Variants in SSR3 observed in about 807,000 individuals in gnomAD.
SSR3 encodes the protein signal sequence receptor subunit 3.
SSR3 carries 10 observed loss-of-function variants against 22.1 expected under a neutral mutation model. The ratio of observed to expected loss-of-function variants is 0.45; its 90% confidence interval spans 0.28 to 0.77. SSR3 has a LOEUF of 0.77. Ranked by LOEUF, SSR3 falls within the 30% of genes least tolerant of loss-of-function variation. The pLI is 0.13. For missense variants in SSR3, 181 were observed against 220.5 expected, an observed-to-expected ratio of 0.82 and a Z score of 1.13; for synonymous variants, 104 against 82.5, an observed-to-expected ratio of 1.26 and a Z score of -1.42.
Position 156,542,899 on chromosome 3 carries a change from C to T in SSR3, c.*304G>A. The stretch of plus-strand genomic sequence containing the variant: ...AATAATAACAGCTCGGCCCAGGTTA[C>T]TGTGACCTCTGACAGATCAAGGAAA... On this transcript the variant is annotated 3_prime_UTR_variant, in exon 5 of 5. Coordinates refer to ENST00000265044, the MANE Select transcript of SSR3 (RefSeq NM_007107.5). 1 of 313,532 alleles carries T rather than the reference C, an allele frequency of 3.2e-6. No individual in the cohort carries two copies. The highest frequency in any genetic ancestry group is 5.8e-6 in the Non-Finnish European group (1 of 172,216). 19.4% of individuals were successfully genotyped at this position (313,532 alleles called of 1,614,324 possible).
intron 2 of SSR3, among the ~76,000 whole-genome samples, chr3:156,550,624 T>C (rs10936029): frequency 0.12 from 18,232 of 152,226 alleles, 1,148 homozygotes; most frequent in East Asian, 0.21. Flanking sequence ...ATAAAATCAA[T>C]TGTATTTTTC....
chr3:156,553,696 T>C lies in SSR3; in HGVS notation c.219A>G (p.Val73=). 1 of 1,612,472 alleles carries C rather than the reference T, an allele frequency of 6.2e-7. No homozygotes were observed. Among genetic ancestry groups the C allele is most frequent in the East Asian group, 2.2e-5 (1 of 44,832 alleles). Residue 73 remains valine (V), a synonymous_variant, in exon 2 of 5, where the codon GTA becomes GTG. Coordinates refer to ENST00000265044, the MANE Select transcript of SSR3 (RefSeq NM_007107.5). The part of the protein sequence containing the change: ...SVMTLVSTYL[V]AFAYKNVKFV... ...ATTTCACATTCTTGTATGCAAAGGC[T>C]ACCAAATATGTGCTTACTAGGGTCA...
At chr3:156,548,054 G>A (rs936967430) in intron 3 of SSR3, among the ~76,000 whole-genome samples, 3 of 152,210 alleles carry the variant, frequency 2.0e-5, no homozygotes, top group African/African-American at 7.2e-5. Flanking sequence ...AACAATGGAA[G>A]TTCACACAAA....
chr3:156,551,870 A>G (rs1719971433), intron 2 of SSR3, among the ~76,000 whole-genome samples: 1 of 152,218 alleles, frequency 6.6e-6, no homozygotes, highest in East Asian at 1.9e-4. Context: ...GGCACAAGAC[A>G]TATTCAAAGG....
intron 1 of SSR3, 109 bp downstream of exon 1, chr3:156,554,848 C>G: frequency 1.4e-6 from 2 of 1,428,662 alleles, no homozygotes; most frequent in Non-Finnish European, 1.9e-6. Context: ...GAGAGATTGC[C>G]GACCCCCGGC....
In SSR3 at chr3:156,549,004, C is replaced by G; in HGVS notation, c.261-1G>C. 1 of 1,604,798 alleles carries G rather than the reference C, an allele frequency of 6.2e-7. No homozygotes were observed. Among genetic ancestry groups the G allele is most frequent in the East Asian group, 2.2e-5 (1 of 44,808 alleles). ...AGCATCCTCCCTCTTCTGTGCTACTCTGGAAGAAAAAGAAAAAAAGAAAAA... is the reference window on the plus strand; with the variant it reads ...AGCATCCTCCCTCTTCTGTGCTACTGTGGAAGAAAAAGAAAAAAAGAAAAA... On this transcript the variant is annotated splice_acceptor_variant, in intron 2 of 4. Transcript: ENST00000265044. LOFTEE classifies it high-confidence loss of function.
At chr3:156,554,375 C>T (rs1720074296) in intron 1 of SSR3, among the ~76,000 whole-genome samples, 1 of 152,140 alleles carries the variant, frequency 6.6e-6, no homozygotes, top group African/African-American at 2.4e-5. Flanking sequence ...AGTTTCCCAA[C>T]CAAGTGAGAA....
At chr3:156,553,825 C>T in intron 1 of SSR3, 44 bp from the exon 2 acceptor site, 1 of 1,558,208 alleles carries the variant, frequency 6.4e-7, no homozygotes, top group Non-Finnish European at 8.7e-7. Flanking sequence ...AGAAGCAAAA[C>T]ATTACAACCC....
At chr3:156,545,481 A>G (rs979347665) in intron 3 of SSR3, among the ~76,000 whole-genome samples, 35 of 152,240 alleles carry the variant, frequency 2.3e-4, no homozygotes, top group African/African-American at 8.0e-4. Flanking sequence ...CTCTGGAGTC[A>G]GATGACACAT....
At chr3:156,551,543 C>T (rs530690250) in intron 2 of SSR3, 1 of 152,310 alleles carries the variant, frequency 6.6e-6, no homozygotes, top group African/African-American at 2.4e-5. Flanking sequence ...CAAAGATAAC[C>T]CAATTTATCT....
intron 3 of SSR3, among the ~76,000 whole-genome samples, chr3:156,546,708 G>GCTT (rs1719776381): frequency 6.6e-6 from 1 of 152,136 alleles, no homozygotes; most frequent in South Asian, 2.1e-4. Context: ...ATATCTTAAG[G>GCTT]ATGTTTTCAG....
At chr3:156,553,345 A>C (rs1415945326) in intron 2 of SSR3, among the ~76,000 whole-genome samples, 1 of 152,022 alleles carries the variant, frequency 6.6e-6, no homozygotes, top group African/African-American at 2.4e-5. Flanking sequence ...AAGGAATTAC[A>C]TTTAGCTTCT....
At chr3:156,553,476 T>C (rs1049400835) in intron 2 of SSR3, among the ~76,000 whole-genome samples, 179 bp downstream of exon 2, 1 of 152,186 alleles carries the variant, frequency 6.6e-6, no homozygotes, top group African/African-American at 2.4e-5. Context: ...ATGATCATTG[T>C]CTCTACTTCA....
In SSR3 at chr3:156,541,282, A is replaced by G. The variant is rs1719481516; in HGVS notation, c.*1921T>C. On this transcript the variant is annotated 3_prime_UTR_variant, in exon 5 of 5. Transcript: ENST00000265044. The stretch of plus-strand genomic sequence containing the variant: ...AGCAATTTTAAAAGATAGTGGCCCA[A>G]CTCTGGTAACAAATAGTGGACACTG... The G allele has an allele frequency of 6.6e-6, 1 of 152,160 alleles. No homozygotes were observed. The highest frequency in any genetic ancestry group is 2.4e-5 in the African/African-American group (1 of 41,428). The allele number at this position is 152,160 out of a possible 1,614,324, so 9.4% of individuals were successfully genotyped here. A position where few individuals can be genotyped will look rare whatever the true frequency, so the allele number is the denominator to read the frequency against.
At chr3:156,546,226 G>C (rs1719755309) in intron 3 of SSR3, among the ~76,000 whole-genome samples, 1 of 152,152 alleles carries the variant, frequency 6.6e-6, no homozygotes, top group Non-Finnish European at 1.5e-5. Context: ...AAAATCTGAT[G>C]GTTTAAAAAT....
rs762575106 is a variant in SSR3 at position 156,541,346 on chromosome 3, C to T, written c.*1857G>A. On this transcript the variant is annotated 3_prime_UTR_variant, in exon 5 of 5. Coordinates refer to ENST00000265044, the MANE Select transcript of SSR3 (RefSeq NM_007107.5). ...TAAGCAAATGCATTTATTTGATACA[C>T]AAATTCCATGCCACCAGTCAAACTA... The T allele has an allele frequency of 6.6e-6, 1 of 152,066 alleles. No homozygotes were observed. Among genetic ancestry groups the T allele is most frequent in the Non-Finnish European group, 1.5e-5 (1 of 68,012 alleles). The allele number at this position is 152,066 out of a possible 1,614,324, so 9.4% of individuals were successfully genotyped here.
chr3:156,548,804 C>T (rs1719847646), intron 3 of SSR3, 101 bp downstream of exon 3: 3 of 1,474,420 alleles, frequency 2.0e-6, no homozygotes. Context: ...CCAAAATTTA[C>T]CTCAGACAAT....
In SSR3 at chr3:156,542,538, G is replaced by A. The variant is rs1203419221; in HGVS notation, c.*665C>T. 6.6e-6 allele frequency: 1 copy of A among 152,094 alleles called. No individual in the cohort carries two copies. Among genetic ancestry groups the A allele is most frequent in the Non-Finnish European group, 1.5e-5 (1 of 68,030 alleles). 9.4% of individuals were successfully genotyped at this position (152,094 alleles called of 1,614,324 possible). On this transcript the variant is annotated 3_prime_UTR_variant, in exon 5 of 5. Transcript: ENST00000265044. Reference sequence around the variant, plus strand: ...GGCCACTCAGGGCCAAAGCCATACAGTGGAACAGTGTGTTCTTTAACCTCG... The same window carrying A: ...GGCCACTCAGGGCCAAAGCCATACAATGGAACAGTGTGTTCTTTAACCTCG...
chr3:156,543,986 G>A (rs1250585199), intron 4 of SSR3: 1 of 313,620 alleles, frequency 3.2e-6, no homozygotes, highest in African/African-American at 2.1e-5. Flanking sequence ...AACAGGTACA[G>A]GGGCTTATTA....
Sources: gnomAD v4.1 joint callset for allele counts (sites outside exome capture counted in the v4.1 genomes callset) on GRCh38, gnomAD v4.1.1 for gene constraint, MANE v1.5 for transcripts, NCBI Gene and HGNC (gene_info 2026-07-23, HGNC 2026-07-21) for gene names.